FHIP1A: variants seen among roughly 807,000 people sequenced by gnomAD.
FHIP1A encodes FHF complex subunit HOOK interacting protein 1A.
In FHIP1A, 61 loss-of-function variants were observed where a neutral mutation model predicts 88.6. The observed-to-expected ratio is 0.69, with a 90% confidence interval of 0.56 to 0.85. FHIP1A has a LOEUF of 0.85. Among genes scored for constraint, FHIP1A ranks in the 40% least tolerant of loss-of-function variants. FHIP1A has a pLI of 0.00. For synonymous variants in FHIP1A, 478 were observed against 496.0 expected, an observed-to-expected ratio of 0.96 and a Z score of 0.48; for missense variants, 1,154 against 1,273.5, an observed-to-expected ratio of 0.91 and a Z score of 1.43.
intron 4 of FHIP1A, among the ~76,000 whole-genome samples, chr4:151,571,166 C>T (rs1213994478): frequency 1.3e-5 from 2 of 152,200 alleles, no homozygotes; most frequent in Non-Finnish European, 2.9e-5. Flanking sequence ...TTTCTATCTG[C>T]TCCTTTCAAG....
chr4:151,541,174 A>G (rs1020604776), intron 3 of FHIP1A, among the ~76,000 whole-genome samples: 2 of 152,306 alleles, frequency 1.3e-5, no homozygotes, highest in South Asian at 4.1e-4. Flanking sequence ...ACTAGAGATC[A>G]TTGTTTATTA....
chr4:151,607,375 G>GA (rs1735114443), intron 7 of FHIP1A, among the ~76,000 whole-genome samples: 1 of 152,172 alleles, frequency 6.6e-6, no homozygotes, highest in South Asian at 2.1e-4. Context: ...AATCTGGATT[G>GA]AAAAAATCAT....
chr4:151,521,260 GTGTT>G (rs1179191044), intron 3 of FHIP1A, among the ~76,000 whole-genome samples: 1 of 152,150 alleles, frequency 6.6e-6, no homozygotes, highest in African/African-American at 2.4e-5. Flanking sequence ...TTTATTTTAA[GTGTT>G]TGTGATTCTT....
chr4:151,431,435 G>A (rs939316589), intron 1 of FHIP1A, among the ~76,000 whole-genome samples: 5 of 152,058 alleles, frequency 3.3e-5, no homozygotes, highest in African/African-American at 1.2e-4. Context: ...TCTTAAGCTG[G>A]GGTCATGTTA....
rs1385961527 is a variant in FHIP1A at position 151,569,790 on chromosome 4, A to G, written c.105+3426A>G. 5.9e-5 allele frequency among the ~76,000 whole-genome samples: 9 copies of G among 152,302 alleles called. No individual in the cohort carries two copies. The East Asian group carries it at 1.7e-3, about 29-fold the overall frequency. ...GAGGCAGCTAGTTATACAACCAGCC[A>G]TCATCCAAGCAGTCTGTGATTCTGG... On this transcript the variant is annotated intron_variant, in intron 4 of 13. Transcript: ENST00000435205.
At chr4:151,423,328 C>G (rs1388152271) in intron 1 of FHIP1A, among the ~76,000 whole-genome samples, 1 of 151,766 alleles carries the variant, frequency 6.6e-6, no homozygotes, top group Non-Finnish European at 1.5e-5. Flanking sequence ...ATTAATTTTA[C>G]TATTTTTAAT....
intron 1 of FHIP1A, among the ~76,000 whole-genome samples, chr4:151,431,143 G>A (rs1185981016): frequency 6.6e-6 from 1 of 151,992 alleles, no homozygotes; most frequent in Non-Finnish European, 1.5e-5. Context: ...CTGCTTTTTT[G>A]GTAAATAAGC....
chr4:151,456,299 C>T (rs1012999846), intron 2 of FHIP1A, among the ~76,000 whole-genome samples: 2 of 151,912 alleles, frequency 1.3e-5, no homozygotes, highest in Admixed American at 6.6e-5. Context: ...GGGCTTTTTT[C>T]AAGGTTTACA....
Position 151,650,340 on chromosome 4 carries a change from G to C in FHIP1A, c.2299G>C (p.Glu767Gln). The C allele has an allele frequency of 6.4e-7, 1 of 1,551,716 alleles. No homozygotes were observed. The highest frequency in any genetic ancestry group is 1.2e-5 in the South Asian group (1 of 84,056). The change falls in exon 11 of 14, where the codon GAG (glutamate) becomes CAG (glutamine). Residue 767 changes from glutamate to glutamine, a missense_variant. Coordinates refer to ENST00000435205, the MANE Select transcript of FHIP1A (RefSeq NM_001109977.3). ...CATTAAAGAGCTGGATTCCGGCGCC[G>C]AGGGCTTGATGGAACAGAATTACCC... ...QIIKELDSGA[E>Q]GLMEQNYPTP...
intron 3 of FHIP1A, among the ~76,000 whole-genome samples, chr4:151,522,777 T>A (rs1197288416): frequency 1.3e-5 from 2 of 152,250 alleles, no homozygotes; most frequent in African/African-American, 4.8e-5. Context: ...TCTTTCATTC[T>A]TTCTTCCTTT....
chr4:151,526,277 C>A (rs181751794), intron 3 of FHIP1A, among the ~76,000 whole-genome samples: 12,626 of 152,146 alleles, frequency 0.083, 907 homozygotes, highest in South Asian at 0.27. Flanking sequence ...GTTGGGTACA[C>A]CTCCCAGACG....
intron 3 of FHIP1A, among the ~76,000 whole-genome samples, chr4:151,542,768 T>C (rs1013510821): frequency 6.6e-6 from 1 of 152,134 alleles, no homozygotes; most frequent in African/African-American, 2.4e-5. Flanking sequence ...TGTTTTCCGC[T>C]CCCTACAGCA....
intron 7 of FHIP1A, among the ~76,000 whole-genome samples, chr4:151,601,954 G>T (rs1458874440): frequency 6.6e-6 from 1 of 151,990 alleles, no homozygotes; most frequent in Non-Finnish European, 1.5e-5. Flanking sequence ...TTACATGGAT[G>T]GCGGCAGGCA....
chr4:151,452,953 C>CGT (rs1728841905), intron 1 of FHIP1A, among the ~76,000 whole-genome samples: 2 of 95,694 alleles, frequency 2.1e-5, no homozygotes, highest in African/African-American at 7.3e-5. Flanking sequence ...TATATATATA[C>CGT]ATACACACAC....
At chr4:151,440,837 A>G (rs1326825330) in intron 1 of FHIP1A, among the ~76,000 whole-genome samples, 1 of 152,168 alleles carries the variant, frequency 6.6e-6, no homozygotes, top group African/African-American at 2.4e-5. Flanking sequence ...TATTGCTTCC[A>G]AGCAAATTCC....
At chr4:151,441,651 T>G (rs894838740) in intron 1 of FHIP1A, among the ~76,000 whole-genome samples, 3 of 152,184 alleles carry the variant, frequency 2.0e-5, no homozygotes, top group African/African-American at 7.2e-5. Context: ...TGGCTTAAGA[T>G]TCTCATGTTT....
chr4:151,455,061 G>A (rs1728921244), intron 2 of FHIP1A, among the ~76,000 whole-genome samples: 1 of 152,088 alleles, frequency 6.6e-6, no homozygotes, highest in Non-Finnish European at 1.5e-5. Flanking sequence ...ACTCTGATTT[G>A]TATAGATGAT....
At chr4:151,587,594 G>A (rs932343552) in intron 6 of FHIP1A, among the ~76,000 whole-genome samples, 6 of 150,024 alleles carry the variant, frequency 4.0e-5, no homozygotes, top group Non-Finnish European at 7.4e-5. Flanking sequence ...GTATACATGT[G>A]TCATTTTGGT....
At chr4:151,437,927 T>C (rs1201362278) in intron 1 of FHIP1A, among the ~76,000 whole-genome samples, 3 of 152,224 alleles carry the variant, frequency 2.0e-5, no homozygotes, top group Admixed American at 1.3e-4. Flanking sequence ...TATGTTATTA[T>C]ATTTTATCAG....
Sources: gnomAD v4.1 joint callset for allele counts (sites outside exome capture counted in the v4.1 genomes callset) on GRCh38, gnomAD v4.1.1 for gene constraint, MANE v1.5 for transcripts, NCBI Gene and HGNC (gene_info 2026-07-23, HGNC 2026-07-21) for gene names.